The following ZNF529 variants were observed in gnomAD, a reference collection of about 807,000 sequenced individuals.
The protein encoded by ZNF529 is zinc finger protein 529.
In ZNF529, 11 loss-of-function variants were observed where a neutral mutation model predicts 10.1. That is an observed-to-expected ratio of 1.09 (90% CI 0.69 to 1.81). The LOEUF (loss-of-function observed/expected upper bound fraction) is 1.81, where lower values mean the gene tolerates loss of function less well. Among genes scored for constraint, ZNF529 ranks in the 40% most tolerant of loss-of-function variants. The pLI is 0.00. For missense variants in ZNF529, 624 were observed against 666.8 expected (o/e 0.94, Z 0.71); for synonymous variants, 204 against 215.7 (o/e 0.95, Z 0.47).
chr19:36,563,302 A>C (rs188861943), intron 2 of ZNF529, among the ~76,000 whole-genome samples: 1 of 152,090 alleles, frequency 6.6e-6, no homozygotes, highest in Admixed American at 6.5e-5. Flanking sequence ...GTGCGCCTCT[A>C]ATCCTAGCTA....
intron 2 of ZNF529, among the ~76,000 whole-genome samples, chr19:36,588,783 A>G (rs974036854): frequency 3.9e-5 from 6 of 152,170 alleles, no homozygotes; most frequent in South Asian, 2.1e-4. Flanking sequence ...TGTGCCTCCA[A>G]CAATATGCCC....
At chr19:36,564,720 A>G (rs2035834000) in intron 2 of ZNF529, among the ~76,000 whole-genome samples, 1 of 152,212 alleles carries the variant, frequency 6.6e-6, no homozygotes, top group African/African-American at 2.4e-5. Context: ...TAGAACAACC[A>G]TTTGACTCAG....
chr19:36,582,124 T>C (rs999961539), intron 2 of ZNF529: 1 of 151,874 alleles, frequency 6.6e-6, no homozygotes, highest in Non-Finnish European at 1.5e-5. Context: ...GTAGTGAGAG[T>C]TTGTAGGTTT....
At chr19:36,593,594 A>G (rs951147599) in intron 1 of ZNF529, among the ~76,000 whole-genome samples, 21 of 152,196 alleles carry the variant, frequency 1.4e-4, no homozygotes, top group African/African-American at 5.1e-4. Flanking sequence ...CTGAACCGAT[A>G]GTGGATGCTA....
At chr19:36,597,681 A>G (rs953030947) in intron 1 of ZNF529, among the ~76,000 whole-genome samples, 1 of 152,176 alleles carries the variant, frequency 6.6e-6, no homozygotes, top group Non-Finnish European at 1.5e-5. Context: ...AAAATTTGAA[A>G]CAACTCAAAT....
At chr19:36,573,391 G>T (rs1227507553), upstream of ZNF529, 8 of 465,080 alleles carry the variant, frequency 1.7e-5, no homozygotes, top group Admixed American at 1.9e-4. Flanking sequence ...CTCAAGCGGA[G>T]CCCGCTGGCC....
chr19:36,554,005 T>A (rs559709174), intron 4 of ZNF529, among the ~76,000 whole-genome samples: 1 of 152,312 alleles, frequency 6.6e-6, no homozygotes, highest in East Asian at 1.9e-4. Context: ...TCATTATGTA[T>A]AAGCAGATAT....
chr19:36,578,401 G>A (rs1366171418), intron 2 of ZNF529, among the ~76,000 whole-genome samples: 2 of 139,670 alleles, frequency 1.4e-5, no homozygotes, highest in Admixed American at 8.0e-5. Flanking sequence ...CGCCTCCCGG[G>A]TTCACGCTAT....
At chr19:36,602,195 A>G (rs1050601890) in intron 1 of ZNF529, among the ~76,000 whole-genome samples, 26 of 151,744 alleles carry the variant, frequency 1.7e-4, no homozygotes, top group African/African-American at 6.3e-4. Flanking sequence ...TTACAGGCAT[A>G]TGCCACCATG....
At chr19:36,559,497 C>T (rs1010717719) in intron 2 of ZNF529, among the ~76,000 whole-genome samples, 6 of 152,160 alleles carry the variant, frequency 3.9e-5, no homozygotes, top group African/African-American at 1.2e-4. Context: ...TTAATAGAGA[C>T]GGGGTTTCAC....
At chr19:36,552,235 C>A (rs1339377989) in intron 4 of ZNF529, among the ~76,000 whole-genome samples, 2 of 152,046 alleles carry the variant, frequency 1.3e-5, no homozygotes, top group Admixed American at 1.3e-4. Context: ...TTGAGACTAT[C>A]CTGGCTAACA....
rs1237972781 is a variant in ZNF529, at chr19:36,546,578, C to G, written c.*288G>C. 3 of 294,488 alleles carry G rather than the reference C, an allele frequency of 1.0e-5. No individual in the cohort carries two copies. The East Asian group carries it at 1.8e-4, about 18-fold the overall frequency. The allele number at this position is 294,488 out of a possible 1,614,324, so 18.2% of individuals were successfully genotyped here. A position where few individuals can be genotyped will look rare whatever the true frequency, so the allele number is the denominator to read the frequency against. ...TTAAAAAACTGAATAGTCAAAAGAG[C>G]AATAATACAAACATCAAAAGCTATT... On this transcript the variant is annotated 3_prime_UTR_variant, in exon 5 of 5. Coordinates refer to ENST00000591340, the MANE Select transcript of ZNF529 (RefSeq NM_020951.5).
intron 1 of ZNF529, among the ~76,000 whole-genome samples, chr19:36,600,582 C>G (rs999762587): frequency 2.0e-5 from 3 of 152,094 alleles, no homozygotes; most frequent in African/African-American, 7.2e-5. Context: ...TGTTTTTGGA[C>G]AAACTCTTCC....
rs1568573079 is a variant in ZNF529 at position 36,547,953 on chromosome 19, T to C, written c.605A>G (p.Asn202Ser). The C allele has an allele frequency of 6.2e-7, 1 of 1,612,664 alleles. No homozygotes were observed. The highest frequency in any genetic ancestry group is 8.5e-7 in the Non-Finnish European group (1 of 1,179,526). The change falls in exon 5 of 5, where the codon AAT becomes AGT. Residue 202 changes from asparagine to serine, a missense_variant. Physicochemically the swap from Asn to Ser is conservative, Grantham distance 46. Transcript: ENST00000591340. ...IHTGGKNYEC[N>S]QCWKTFGIDN... is the part of the protein sequence containing the mutation. ...TATCCCAAAGGTTTTCCAACATTGA[T>C]TACATTCATAGTTTTTTCCACCAGT... is the stretch of plus-strand genomic sequence containing the variant.
chr19:36,564,527 A>G (rs774785568), intron 2 of ZNF529, among the ~76,000 whole-genome samples: 2 of 152,214 alleles, frequency 1.3e-5, no homozygotes. Context: ...AGAGAAATGC[A>G]AATCAAAACC....
chr19:36,592,794 G>A (rs1006687304), intron 1 of ZNF529, among the ~76,000 whole-genome samples: 8 of 152,020 alleles, frequency 5.3e-5, no homozygotes, highest in African/African-American at 1.9e-4. Context: ...AAATGGCATT[G>A]TTTTCTGCTT....
At chr19:36,582,899 C>T (rs926191407) in intron 2 of ZNF529, among the ~76,000 whole-genome samples, 7 of 152,022 alleles carry the variant, frequency 4.6e-5, no homozygotes, top group African/African-American at 7.2e-5. Flanking sequence ...GATGCCACTA[C>T]GGATCCTATA....
intron 4 of ZNF529, among the ~76,000 whole-genome samples, chr19:36,549,418 TAAATAA>T (rs544186161): frequency 6.4e-4 from 97 of 152,250 alleles, no homozygotes; most frequent in African/African-American, 2.3e-3. Flanking sequence ...TGAATGAATC[TAAATAA>T]AAATAAAAGT....
intron 2 of ZNF529, among the ~76,000 whole-genome samples, chr19:36,557,796 G>C (rs1335145717): frequency 6.6e-6 from 1 of 152,126 alleles, no homozygotes; most frequent in Non-Finnish European, 1.5e-5. Context: ...AAAGAAACAG[G>C]AAAGTATGAT....
Sources: allele counts gnomAD v4.1 joint callset (sites outside exome capture counted in the v4.1 genomes callset), GRCh38; gene constraint gnomAD v4.1.1; transcripts MANE v1.5; gene names NCBI Gene and HGNC (gene_info 2026-07-23, HGNC 2026-07-21).